The following CCDC15 variants were observed in gnomAD, a reference collection of about 807,000 sequenced individuals.
The protein encoded by CCDC15 is coiled-coil domain-containing protein 15.
In CCDC15, 105 loss-of-function variants were observed where a neutral mutation model predicts 114.5. That is an observed-to-expected ratio of 0.92 (90% CI 0.78 to 1.08). CCDC15 has a LOEUF of 1.08. Ranked by LOEUF, CCDC15 falls within the 50% of genes least tolerant of loss-of-function variation. The pLI is 0.00. For missense variants in CCDC15, 1,105 were observed against 1,093.6 expected (o/e 1.01, Z -0.15); for synonymous variants, 334 against 377.8 (o/e 0.88, Z 1.34).
At chr11:124,989,200 A>C (rs1161440391) in intron 8 of CCDC15, among the ~76,000 whole-genome samples, 5 of 152,242 alleles carry the variant, frequency 3.3e-5, no homozygotes, top group Admixed American at 2.0e-4. Context: ...ATGAAAAAAC[A>C]ACATTAATCT....
At chr11:125,015,865 G>C (rs1332914723) in intron 13 of CCDC15, among the ~76,000 whole-genome samples, 1 of 152,140 alleles carries the variant, frequency 6.6e-6, no homozygotes, top group Non-Finnish European at 1.5e-5. Context: ...GGGCACTGCT[G>C]CAGGCCCCTA....
At chr11:125,036,101 T>G (rs12282610) in intron 13 of CCDC15, among the ~76,000 whole-genome samples, 24,296 of 136,562 alleles carry the variant, frequency 0.18, 2,503 homozygotes, top group African/African-American at 0.27. Flanking sequence ...TTCTTATTTT[T>G]TATTAAGGTG....
At chr11:124,977,277 C>T (rs562261949) in intron 5 of CCDC15, among the ~76,000 whole-genome samples, 1 of 152,212 alleles carries the variant, frequency 6.6e-6, no homozygotes, top group South Asian at 2.1e-4. Context: ...AATATATTCT[C>T]CTGTTTTATT....
At chr11:124,987,087 T>C in intron 7 of CCDC15, 40 bp from the exon 8 acceptor site, 1 of 1,454,220 alleles carries the variant, frequency 6.9e-7, no homozygotes, top group African/African-American at 1.4e-5. Flanking sequence ...GTATTGCTAC[T>C]AACTCACATT....
chr11:125,026,668 G>A (rs1948704752), intron 13 of CCDC15, among the ~76,000 whole-genome samples: 1 of 152,010 alleles, frequency 6.6e-6, no homozygotes, highest in Non-Finnish European at 1.5e-5. Context: ...TAACTGTTAA[G>A]CAACTCTTCT....
chr11:124,987,192 T>G lies in CCDC15; in HGVS notation c.966T>G (p.Phe322Leu), dbSNP rs1948182124. 2.0e-6 allele frequency: 3 copies of G among 1,524,860 alleles called. No individual in the cohort carries two copies. Among genetic ancestry groups the G allele is most frequent in the Non-Finnish European group, 2.6e-6 (3 of 1,140,930 alleles). 94.5% of individuals were successfully genotyped at this position (1,524,860 alleles called of 1,614,324 possible). A position where few individuals can be genotyped will look rare whatever the true frequency, so the allele number is the denominator to read the frequency against. Residue 322 changes from phenylalanine (F) to leucine (L), a missense_variant, in exon 8 of 16, where the codon TTT becomes TTG. Transcript: ENST00000344762. ...AGGAAGAACAAAAGCAGTTACATTT[T>G]GAGGGCCTTCAGGATATTCTGCCAG... ...MEEEEQKQLH[F>L]EGLQDILPEA... is the part of the protein sequence containing the mutation.
intron 13 of CCDC15, among the ~76,000 whole-genome samples, chr11:125,026,893 A>T (rs190345934): frequency 6.6e-6 from 1 of 151,332 alleles, no homozygotes; most frequent in East Asian, 1.9e-4. Flanking sequence ...ACCCCTTCCC[A>T]CTCTTCCCCC....
intron 13 of CCDC15, among the ~76,000 whole-genome samples, chr11:125,032,169 G>A (rs1216625892): frequency 3.3e-5 from 5 of 152,260 alleles, no homozygotes; most frequent in Admixed American, 3.3e-4. Flanking sequence ...TAGTGGACCA[G>A]TGTGATATCT....
intron 12 of CCDC15, 150 bp from the exon 13 acceptor site, chr11:125,004,959 A>G: frequency 2.1e-6 from 1 of 482,470 alleles, no homozygotes; most frequent in East Asian, 3.4e-5. Context: ...GACCATAGAC[A>G]GAAGGAAATT....
At chr11:124,998,997 A>C (rs1948426595) in intron 11 of CCDC15, among the ~76,000 whole-genome samples, 1 of 151,972 alleles carries the variant, frequency 6.6e-6, no homozygotes, top group Non-Finnish European at 1.5e-5. Flanking sequence ...TCAGCCTCTC[A>C]AAGTGCTGGG....
chr11:125,032,674 A>G (rs1948748110), intron 13 of CCDC15, among the ~76,000 whole-genome samples: 1 of 151,952 alleles, frequency 6.6e-6, no homozygotes, highest in Admixed American at 6.6e-5. Flanking sequence ...GGCCTTTCCC[A>G]CCGTAATAGC....
At chr11:124,966,837 G>A (rs1947792665) in intron 4 of CCDC15, among the ~76,000 whole-genome samples, 1 of 152,156 alleles carries the variant, frequency 6.6e-6, no homozygotes, top group South Asian at 2.1e-4. Flanking sequence ...GGCAGGCCTG[G>A]TGGGGAGAAA....
intron 13 of CCDC15, among the ~76,000 whole-genome samples, chr11:125,016,625 G>C (rs11219868): frequency 0.8 from 121,544 of 152,128 alleles, 48,757 homozygotes; most frequent in East Asian, 0.93. Context: ...TGATCTGCAT[G>C]AAAAGGTCTT....
At chr11:125,001,268 G>A (rs1456795692) in intron 11 of CCDC15, among the ~76,000 whole-genome samples, 1 of 152,170 alleles carries the variant, frequency 6.6e-6, no homozygotes, top group Non-Finnish European at 1.5e-5. Context: ...CATGCATATT[G>A]GATGACTCAA....
chr11:124,999,542 TC>T (rs148693068), intron 11 of CCDC15, among the ~76,000 whole-genome samples: 6,316 of 152,188 alleles, frequency 0.042, 156 homozygotes, highest in Middle Eastern at 0.082. Flanking sequence ...GACTTTTTTT[TC>T]ATTCTTCTAT....
intron 13 of CCDC15, among the ~76,000 whole-genome samples, chr11:125,034,823 C>G (rs1044693081): frequency 1.3e-5 from 2 of 152,130 alleles, no homozygotes; most frequent in Non-Finnish European, 2.9e-5. Flanking sequence ...CCAAAACCAA[C>G]AAAAGAACTC....
At chr11:124,992,728 A>C (rs1476617886) in intron 10 of CCDC15, 41 bp downstream of exon 10, 2 of 1,113,060 alleles carry the variant, frequency 1.8e-6, no homozygotes, top group Admixed American at 2.2e-5. Context: ...ACCTTCTAAA[A>C]GGGGAACAAG....
At chr11:125,013,776 A>G (rs1436073361) in intron 13 of CCDC15, among the ~76,000 whole-genome samples, 2 of 152,200 alleles carry the variant, frequency 1.3e-5, no homozygotes, top group Non-Finnish European at 2.9e-5. Flanking sequence ...TCTGATTTAT[A>G]TGCATGTGAA....
chr11:125,011,330 C>T (rs934815752), intron 13 of CCDC15, among the ~76,000 whole-genome samples: 1 of 151,738 alleles, frequency 6.6e-6, no homozygotes, highest in South Asian at 2.1e-4. Flanking sequence ...CTCCACCTCC[C>T]GAGTTCAAGC....
Sources: allele counts gnomAD v4.1 joint callset (sites outside exome capture counted in the v4.1 genomes callset), GRCh38; gene constraint gnomAD v4.1.1; transcripts MANE v1.5; gene names NCBI Gene and HGNC (gene_info 2026-07-23, HGNC 2026-07-21).